TRABD2B: variants seen among roughly 807,000 people sequenced by gnomAD.
TRABD2B encodes metalloprotease TIKI2.
In TRABD2B, 14 loss-of-function variants were observed where a neutral mutation model predicts 40.1. That is an observed-to-expected ratio of 0.35 (90% confidence interval 0.23 to 0.55). The LOEUF is 0.55. Among genes scored for constraint, TRABD2B ranks in the 20% least tolerant of loss-of-function variants. The pLI is 0.90. For synonymous variants in TRABD2B, 263 were observed against 277.0 expected, an observed-to-expected ratio of 0.95 and a Z score of 0.50; for missense variants, 541 against 648.6, an observed-to-expected ratio of 0.83 and a Z score of 1.80.
chr1:47,975,415 A>C (rs1264863632), intron 2 of TRABD2B, among the ~76,000 whole-genome samples: 1 of 152,234 alleles, frequency 6.6e-6, no homozygotes, highest in African/African-American at 2.4e-5. Flanking sequence ...GCATGATACT[A>C]GAAAACAGAC....
At chr1:47,886,921 T>C (rs1168502323) in intron 2 of TRABD2B, among the ~76,000 whole-genome samples, 1 of 152,146 alleles carries the variant, frequency 6.6e-6, no homozygotes, top group South Asian at 2.1e-4. Flanking sequence ...CTCCACACCA[T>C]CATCATCACA....
intron 3 of TRABD2B, 30 bp from the exon 4 acceptor site, chr1:47,794,790 G>GTTTTTTTTTTT: frequency 1.7e-6 from 2 of 1,144,848 alleles, no homozygotes; most frequent in East Asian, 3.3e-5. Flanking sequence ...GCTGCCTTCA[G>GTTTTTTTTTTT]TTTTTTTTTT....
intron 2 of TRABD2B, among the ~76,000 whole-genome samples, chr1:47,943,320 T>A (rs966063237): frequency 2.6e-5 from 4 of 152,196 alleles, no homozygotes; most frequent in African/African-American, 9.6e-5. Flanking sequence ...GTAATTAATA[T>A]CAAGTTATAA....
chr1:47,780,302 A>G (rs1392640603), intron 4 of TRABD2B, among the ~76,000 whole-genome samples: 2 of 152,198 alleles, frequency 1.3e-5, no homozygotes, highest in Non-Finnish European at 2.9e-5. Context: ...CTTGCTATGC[A>G]TAATATCTAT....
chr1:47,940,759 G>A (rs901054736), intron 2 of TRABD2B, among the ~76,000 whole-genome samples: 1 of 152,220 alleles, frequency 6.6e-6, no homozygotes, highest in Non-Finnish European at 1.5e-5. Flanking sequence ...CAGGGACAGA[G>A]GCAGGATGCA....
At chr1:47,783,582 G>C (rs1644555039) in intron 4 of TRABD2B, among the ~76,000 whole-genome samples, 1 of 152,192 alleles carries the variant, frequency 6.6e-6, no homozygotes, top group Non-Finnish European at 1.5e-5. Flanking sequence ...CTGGGATGGT[G>C]CCTGCCTACC....
intron 2 of TRABD2B, among the ~76,000 whole-genome samples, chr1:47,946,181 C>T (rs1483474198): frequency 1.3e-5 from 2 of 152,178 alleles, no homozygotes; most frequent in South Asian, 2.1e-4. Context: ...ACTTGCCATT[C>T]ATATATCTTC....
At chr1:47,871,074 T>G (rs1644133760) in intron 2 of TRABD2B, among the ~76,000 whole-genome samples, 1 of 152,242 alleles carries the variant, frequency 6.6e-6, no homozygotes. Context: ...CTATTCTAAG[T>G]GCTTTACATG....
intron 4 of TRABD2B, among the ~76,000 whole-genome samples, chr1:47,793,419 T>G (rs1004682218): frequency 1.3e-5 from 2 of 152,246 alleles, no homozygotes; most frequent in African/African-American, 4.8e-5. Flanking sequence ...CCAGCAGATG[T>G]GCCTCTGGCT....
At chr1:47,794,893 G>A in intron 3 of TRABD2B, 133 bp from the exon 4 acceptor site, 2 of 805,980 alleles carry the variant, frequency 2.5e-6, no homozygotes, top group Non-Finnish European at 1.8e-6. Flanking sequence ...CCATCCTCCT[G>A]CCTCAGCCTC....
In TRABD2B at chr1:47,762,559, C is replaced by T. The variant is rs937570858; in HGVS notation, c.*3343G>A. 4 of 152,148 alleles carry T rather than the reference C, an allele frequency of 2.6e-5. No homozygotes were observed. Among genetic ancestry groups the T allele is most frequent in the African/African-American group, 9.7e-5 (4 of 41,422 alleles). The allele number at this position is 152,148 out of a possible 1,614,324, so 9.4% of individuals were successfully genotyped here. On this transcript the variant is annotated 3_prime_UTR_variant, in exon 7 of 7. Coordinates refer to ENST00000606738, the MANE Select transcript of TRABD2B (RefSeq NM_001194986.2). ...GCACCTAGGCTTGTCCAGGTCTAGCCGAGGCCAGGAAGTTGTAGATAACAC... is the reference window on the plus strand; with the variant it reads ...GCACCTAGGCTTGTCCAGGTCTAGCTGAGGCCAGGAAGTTGTAGATAACAC...
At chr1:47,845,895 C>A (rs1241039453) in intron 2 of TRABD2B, among the ~76,000 whole-genome samples, 2 of 152,208 alleles carry the variant, frequency 1.3e-5, no homozygotes, top group Non-Finnish European at 2.9e-5. Context: ...CAATGCCTGG[C>A]ACATAGTAAG....
intron 2 of TRABD2B, among the ~76,000 whole-genome samples, chr1:47,968,019 T>C (rs566962293): frequency 6.6e-6 from 1 of 152,330 alleles, no homozygotes; most frequent in Admixed American, 6.5e-5. Flanking sequence ...CAAGGGAAGA[T>C]GAGACTGATT....
At chr1:47,886,380 G>A (rs1485948901) in intron 2 of TRABD2B, among the ~76,000 whole-genome samples, 1 of 152,178 alleles carries the variant, frequency 6.6e-6, no homozygotes, top group Non-Finnish European at 1.5e-5. Context: ...GGGGCAGGCG[G>A]GGTTTGCTTC....
At position 47,778,470 on chromosome 1, in the gene TRABD2B, C is replaced by T. The variant is rs566510560; in HGVS notation, c.1063G>A (p.Gly355Arg). 4.6e-5 allele frequency: 71 copies of T among 1,536,058 alleles called. No homozygotes were observed. In the Middle Eastern group the frequency reaches 5.0e-4, roughly 11 times the overall value. ...AGLEVDHTPAGQAIHSPAPQS... is the reference protein window; with the variant it reads ...AGLEVDHTPARQAIHSPAPQS... ...GTGGCTTACCTGTGTATGGCCTGCC[C>T]GGCGGGTGTGTGGTCCACCTCCAGC... is the stretch of plus-strand genomic sequence containing the variant. The change falls in exon 5 of 7, where the codon GGG (glycine) becomes AGG (arginine). Residue 355 changes from glycine (G) to arginine (R), a missense_variant. Coordinates refer to ENST00000606738, the MANE Select transcript of TRABD2B (RefSeq NM_001194986.2).
chr1:47,800,593 G>A (rs779373700), intron 3 of TRABD2B, among the ~76,000 whole-genome samples: 9 of 152,222 alleles, frequency 5.9e-5, no homozygotes, highest in African/African-American at 1.2e-4. Context: ...GGAAGTCCAC[G>A]CAATGTCCTG....
At chr1:47,808,840 C>G (rs1164036420) in intron 2 of TRABD2B, among the ~76,000 whole-genome samples, 1 of 152,104 alleles carries the variant, frequency 6.6e-6, no homozygotes, top group African/African-American at 2.4e-5. Context: ...GAAGTACAGA[C>G]AAGAAGAGAC....
At chr1:47,782,360 G>A (rs1191880030) in intron 4 of TRABD2B, among the ~76,000 whole-genome samples, 1 of 152,140 alleles carries the variant, frequency 6.6e-6, no homozygotes, top group Non-Finnish European at 1.5e-5. Flanking sequence ...CTGAATCACT[G>A]CAGAAACTGC....
chr1:47,800,337 A>C (rs1644805590), intron 3 of TRABD2B, among the ~76,000 whole-genome samples: 1 of 152,200 alleles, frequency 6.6e-6, no homozygotes, highest in Admixed American at 6.5e-5. Context: ...TGAGATGACG[A>C]GATTTTAGTT....
Sources: gnomAD v4.1 joint callset for allele counts (sites outside exome capture counted in the v4.1 genomes callset) on GRCh38, gnomAD v4.1.1 for gene constraint, MANE v1.5 for transcripts, NCBI Gene and HGNC (gene_info 2026-07-23, HGNC 2026-07-21) for gene names.